The following NCALD variants were observed in gnomAD, a reference collection of about 807,000 sequenced individuals.
NCALD encodes neurocalcin delta.
NCALD carries 10 observed loss-of-function variants against 18.6 expected under a neutral mutation model. The observed-to-expected ratio is 0.54, with a 90% confidence interval of 0.33 to 0.91. The LOEUF is 0.91. Among genes scored for constraint, NCALD ranks in the 40% least tolerant of loss-of-function variants. NCALD has a pLI of 0.03. For synonymous variants in NCALD, 88 were observed against 87.4 expected (o/e 1.01, Z -0.04); for missense variants, 184 against 247.6 (o/e 0.74, Z 1.72).
intron 4 of NCALD, among the ~76,000 whole-genome samples, chr8:101,879,223 A>AG (rs1195241906): frequency 6.6e-6 from 1 of 152,188 alleles, no homozygotes; most frequent in South Asian, 2.1e-4. Flanking sequence ...TTCAAGAATA[A>AG]GGCCGTGGAC....
chr8:101,895,201 G>T (rs1260183755), intron 3 of NCALD, among the ~76,000 whole-genome samples: 2 of 150,110 alleles, frequency 1.3e-5, no homozygotes, highest in African/African-American at 5.0e-5. Flanking sequence ...ATGCAAGGCT[G>T]GTTCGATATA....
chr8:102,008,286 C>T (rs1175367490), intron 2 of NCALD, among the ~76,000 whole-genome samples: 1 of 152,084 alleles, frequency 6.6e-6, no homozygotes, highest in African/African-American at 2.4e-5. Context: ...TATGAGCTCT[C>T]CGTTCCCATA....
intron 4 of NCALD, among the ~76,000 whole-genome samples, chr8:101,837,701 A>G (rs528938504): frequency 4.5e-4 from 68 of 152,170 alleles, no homozygotes; most frequent in Non-Finnish European, 9.0e-4. Flanking sequence ...CAAAACACCA[A>G]AAATAACCAT....
chr8:101,825,654 C>T (rs1813905168), intron 4 of NCALD, among the ~76,000 whole-genome samples: 1 of 152,222 alleles, frequency 6.6e-6, no homozygotes, highest in Non-Finnish European at 1.5e-5. Flanking sequence ...CGGGTTCAGT[C>T]CTCTCAGTAC....
At chr8:101,884,928 G>T (rs533337497) in intron 4 of NCALD, among the ~76,000 whole-genome samples, 1 of 152,148 alleles carries the variant, frequency 6.6e-6, no homozygotes, top group Non-Finnish European at 1.5e-5. Context: ...TAAATGAAAG[G>T]TATTCTGTTG....
chr8:101,765,779 A>G (rs1320595808), intron 1 of NCALD, among the ~76,000 whole-genome samples: 3 of 152,246 alleles, frequency 2.0e-5, no homozygotes, highest in Non-Finnish European at 4.4e-5. Flanking sequence ...AGCCATTTCA[A>G]TTAGTGCCAG....
At chr8:101,787,282 C>A (rs1812263869) in intron 1 of NCALD, among the ~76,000 whole-genome samples, 1 of 152,152 alleles carries the variant, frequency 6.6e-6, no homozygotes, top group Non-Finnish European at 1.5e-5. Flanking sequence ...ACTCAAAGCT[C>A]CCAAGGCAAG....
chr8:101,769,625 T>C (rs559616793), intron 1 of NCALD, among the ~76,000 whole-genome samples: 20 of 144,828 alleles, frequency 1.4e-4, no homozygotes, highest in Admixed American at 1.4e-3. Context: ...CTTTCTTCCT[T>C]TTTTTTTTTT....
At chr8:101,732,082 G>T (rs1816857997) in intron 1 of NCALD, among the ~76,000 whole-genome samples, 1 of 152,236 alleles carries the variant, frequency 6.6e-6, no homozygotes, top group South Asian at 2.1e-4. Context: ...GAAGAGGAGG[G>T]TGCTCTGGGG....
At chr8:101,812,015 A>G (rs1307873604) in intron 4 of NCALD, among the ~76,000 whole-genome samples, 3 of 152,214 alleles carry the variant, frequency 2.0e-5, no homozygotes, top group Non-Finnish European at 2.9e-5. Flanking sequence ...ATTTGTTCTC[A>G]GAATGGAGTG....
At chr8:101,880,274 A>AGCCGCTCGGAGTGCAGCG (rs1563852729) in intron 4 of NCALD, among the ~76,000 whole-genome samples, 1 of 151,944 alleles carries the variant, frequency 6.6e-6, no homozygotes, top group East Asian at 1.9e-4. Flanking sequence ...GGCCAGCAGC[A>AGCCGCTCGGAGTGCAGCG]CTGGCCAGCC....
At chr8:101,946,410 A>T (rs1222037307) in intron 2 of NCALD, among the ~76,000 whole-genome samples, 1 of 152,182 alleles carries the variant, frequency 6.6e-6, no homozygotes, top group Non-Finnish European at 1.5e-5. Flanking sequence ...AGTGTCACAT[A>T]AAGGTAAAAC....
chr8:101,971,254 T>C (rs1750886808), intron 2 of NCALD, among the ~76,000 whole-genome samples: 1 of 152,114 alleles, frequency 6.6e-6, no homozygotes, highest in South Asian at 2.1e-4. Flanking sequence ...ATCGTGGTCT[T>C]CAGCTTGACT....
At chr8:102,068,117 G>A (rs1474696863) in intron 1 of NCALD, among the ~76,000 whole-genome samples, 2 of 152,188 alleles carry the variant, frequency 1.3e-5, no homozygotes, top group African/African-American at 4.8e-5. Flanking sequence ...GAGTGAGAGA[G>A]AGAGAATACT....
intron 1 of NCALD, among the ~76,000 whole-genome samples, chr8:102,040,139 A>T (rs1822998239): frequency 6.6e-6 from 1 of 152,224 alleles, no homozygotes; most frequent in African/African-American, 2.4e-5. Context: ...CATAAAGTCT[A>T]GCTTATAGTG....
chr8:102,073,364 GAA>G (rs1824240436), intron 1 of NCALD, among the ~76,000 whole-genome samples: 1 of 152,076 alleles, frequency 6.6e-6, no homozygotes, highest in African/African-American at 2.4e-5. Context: ...TTATATAAAA[GAA>G]AGCTCACAAT....
At chr8:101,694,344 GC>G (rs1814886317) in intron 2 of NCALD, 1 of 152,176 alleles carries the variant, frequency 6.6e-6, no homozygotes, top group East Asian at 1.9e-4. Context: ...CACCTGAGCT[GC>G]TTTACAGTCT....
chr8:101,877,026 C>T (rs1049501237), intron 4 of NCALD, among the ~76,000 whole-genome samples: 2 of 152,180 alleles, frequency 1.3e-5, no homozygotes, highest in African/African-American at 4.8e-5. Context: ...ACCCACTCCC[C>T]CACAAAGTCT....
intron 3 of NCALD, among the ~76,000 whole-genome samples, chr8:101,887,383 T>G (rs1816713961): frequency 6.6e-6 from 1 of 152,210 alleles, no homozygotes; most frequent in African/African-American, 2.4e-5. Flanking sequence ...ATCAGCCTAA[T>G]TGGTTTTTGG....
Sources: gnomAD v4.1 joint callset for allele counts (sites outside exome capture counted in the v4.1 genomes callset) on GRCh38, gnomAD v4.1.1 for gene constraint, MANE v1.5 for transcripts, NCBI Gene and HGNC (gene_info 2026-07-23, HGNC 2026-07-21) for gene names.